Variants in STX12 observed in about 807,000 individuals in gnomAD.
STX12 encodes the protein syntaxin-12.
In STX12, 17 loss-of-function variants were observed where a neutral mutation model predicts 42.2. The ratio of observed to expected loss-of-function variants is 0.40; its 90% CI spans 0.28 to 0.60. The LOEUF (loss-of-function observed/expected upper bound fraction) is 0.60, where lower values mean the gene tolerates loss of function less well. Among genes scored for constraint, STX12 ranks in the 20% least tolerant of loss-of-function variants. STX12 has a pLI of 0.39. For synonymous variants in STX12, 108 were observed against 116.7 expected (o/e 0.93, Z 0.48); for missense variants, 297 against 330.9 (o/e 0.90, Z 0.79).
intron 4 of STX12, among the ~76,000 whole-genome samples, chr1:27,807,178 T>G (rs548395970): frequency 6.6e-6 from 1 of 152,196 alleles, no homozygotes; most frequent in Non-Finnish European, 1.5e-5. Flanking sequence ...GTCTATCCCC[T>G]CAAGCATTTA....
chr1:27,820,172 G>A (rs2088974664), intron 8 of STX12: 1 of 152,944 alleles, frequency 6.5e-6, no homozygotes, highest in African/African-American at 2.4e-5. Flanking sequence ...TTCTGGAACT[G>A]TTCCTGTAAA....
chr1:27,776,392 A>G (rs1007509059), intron 1 of STX12, among the ~76,000 whole-genome samples: 2 of 152,238 alleles, frequency 1.3e-5, no homozygotes, highest in East Asian at 1.9e-4. Context: ...ATGACCAGCA[A>G]TTTGTCTTTT....
At chr1:27,803,746 G>C (rs2088841089) in intron 4 of STX12, among the ~76,000 whole-genome samples, 1 of 152,232 alleles carries the variant, frequency 6.6e-6, no homozygotes, top group Admixed American at 6.5e-5. Context: ...GCTCACACCT[G>C]TAATCCCAGC....
At chr1:27,814,527 C>A (rs921418150) in intron 6 of STX12, among the ~76,000 whole-genome samples, 2 of 150,514 alleles carry the variant, frequency 1.3e-5, no homozygotes, top group Admixed American at 1.3e-4. Context: ...GACTCTGTCT[C>A]AAATAATAAT....
At chr1:27,818,925 C>G (rs1239173741) in intron 7 of STX12, among the ~76,000 whole-genome samples, 2 of 146,502 alleles carry the variant, frequency 1.4e-5, no homozygotes, top group African/African-American at 5.6e-5. Context: ...CCACGCCTGG[C>G]CAGTAACTCT....
intron 1 of STX12, among the ~76,000 whole-genome samples, chr1:27,777,843 C>T (rs1271539383): frequency 6.6e-6 from 1 of 151,842 alleles, no homozygotes; most frequent in Admixed American, 6.6e-5. Flanking sequence ...GCCGAGATTG[C>T]GCCACTGCAC....
intron 3 of STX12, among the ~76,000 whole-genome samples, chr1:27,797,703 A>G (rs1219876422): frequency 6.6e-6 from 1 of 152,090 alleles, no homozygotes; most frequent in Non-Finnish European, 1.5e-5. Flanking sequence ...CTCCTCCTGA[A>G]ATAAACTACC....
chr1:27,822,098 CTG>C lies in STX12; in HGVS notation c.733-130_733-129del, dbSNP rs2148609531. ...GCTGACTTAAGATTTCTGGGAAAGT[CTG>C]TGCATAATTTTGCATGGATAGAGTT... On this transcript the variant is annotated intron_variant, in intron 8 of 8. Coordinates refer to ENST00000373943, the MANE Select transcript of STX12 (RefSeq NM_177424.3). 4.8e-6 allele frequency: 3 copies of C among 624,704 alleles called. No individual in the cohort carries two copies. In the East Asian group the frequency reaches 8.1e-5, roughly 17 times the overall value. The allele number at this position is 624,704 out of a possible 1,614,324, so 38.7% of individuals were successfully genotyped here.
At chr1:27,786,199 G>A (rs180925422) in intron 1 of STX12, among the ~76,000 whole-genome samples, 8 of 152,126 alleles carry the variant, frequency 5.3e-5, no homozygotes, top group Admixed American at 4.6e-4. Flanking sequence ...TACCTCCTTG[G>A]CCACCTCTCT....
At chr1:27,806,312 A>G (rs2088862441) in intron 4 of STX12, among the ~76,000 whole-genome samples, 1 of 152,224 alleles carries the variant, frequency 6.6e-6, no homozygotes, top group Non-Finnish European at 1.5e-5. Context: ...GTTTATATGT[A>G]TACGTTTATG....
chr1:27,776,660 T>C (rs2088629898), intron 1 of STX12, among the ~76,000 whole-genome samples: 1 of 152,206 alleles, frequency 6.6e-6, no homozygotes, highest in Admixed American at 6.5e-5. Context: ...GAGGCTGCAG[T>C]GAGCTGTGAT....
chr1:27,782,944 A>C (rs773443501), intron 1 of STX12, among the ~76,000 whole-genome samples: 1 of 152,234 alleles, frequency 6.6e-6, no homozygotes, highest in African/African-American at 2.4e-5. Context: ...TCATTTTCAT[A>C]ATCACCACAT....
chr1:27,785,269 T>C (rs2088691950), intron 1 of STX12, among the ~76,000 whole-genome samples: 1 of 152,172 alleles, frequency 6.6e-6, no homozygotes, highest in Non-Finnish European at 1.5e-5. Context: ...GGAGGAGTTA[T>C]ACATACACAA....
intron 2 of STX12, among the ~76,000 whole-genome samples, chr1:27,792,240 G>GTATCTATATATATGTAGATACATATA (rs2088751474): frequency 8.7e-6 from 1 of 115,556 alleles, no homozygotes; most frequent in Non-Finnish European, 1.7e-5. Context: ...ACATATATAT[G>GTATCTATATATATGTAGATACATATA]TATCTATATA....
At chr1:27,792,661 T>G (rs74563042) in intron 2 of STX12, among the ~76,000 whole-genome samples, 2 of 152,230 alleles carry the variant, frequency 1.3e-5, no homozygotes, top group African/African-American at 4.8e-5. Context: ...TTTATTTCCA[T>G]GATCTAATCA....
At chr1:27,807,376 G>A (rs2142626) in intron 4 of STX12, among the ~76,000 whole-genome samples, 150,025 of 152,330 alleles carry the variant, frequency 0.98, 73,878 homozygotes, top group East Asian at 1. Context: ...CTTTTGCTCC[G>A]TCCTGTTGAT....
chr1:27,811,810 A>G (rs1481334702), intron 5 of STX12, among the ~76,000 whole-genome samples: 2 of 152,188 alleles, frequency 1.3e-5, no homozygotes, highest in East Asian at 3.9e-4. Context: ...GCCCTGGAAG[A>G]TGATGGTGCA....
intron 1 of STX12, among the ~76,000 whole-genome samples, chr1:27,782,913 G>A (rs2088678243): frequency 6.6e-6 from 1 of 152,168 alleles, no homozygotes; most frequent in Non-Finnish European, 1.5e-5. Context: ...CTAATTTTCA[G>A]AGTAAAACAC....
At position 27,799,477 on chromosome 1, in the gene STX12, G is replaced by GTTTTTTTT. The variant is rs200472226; in HGVS notation, c.289-2197_289-2190dup. On this transcript the variant is annotated intron_variant, in intron 3 of 8. Coordinates refer to ENST00000373943, the MANE Select transcript of STX12 (RefSeq NM_177424.3). ...GGTTGAACCCCAAACTCATTAGCTT[G>GTTTTTTTT]TTTTTTTTTTTGTTTTTTTTTTTGA... Among the ~76,000 whole-genome samples, 825 of 130,540 alleles carry GTTTTTTTT rather than the reference G, an allele frequency of 6.3e-3. 112 individuals carry two copies. The highest frequency in any genetic ancestry group is 0.025 in the African/African-American group (766 of 31,086). The allele number at this position is 130,540 out of a possible 152,430, so 85.6% of individuals were successfully genotyped here. A position where few individuals can be genotyped will look rare whatever the true frequency, so the allele number is the denominator to read the frequency against.
Sources: gnomAD v4.1 joint callset for allele counts (sites outside exome capture counted in the v4.1 genomes callset) on GRCh38, gnomAD v4.1.1 for gene constraint, MANE v1.5 for transcripts, NCBI Gene and HGNC (gene_info 2026-07-23, HGNC 2026-07-21) for gene names.